Variants in GPHN observed in about 807,000 individuals in gnomAD.
The protein encoded by GPHN is gephyrin.
In GPHN, 17 loss-of-function variants were observed where a neutral mutation model predicts 95.5. The observed-to-expected ratio is 0.18, with a 90% CI of 0.12 to 0.27. The LOEUF is 0.27. Ranked by LOEUF, GPHN falls within the 10% of genes least tolerant of loss-of-function variation. GPHN has a pLI of 1.00. For synonymous variants in GPHN, 320 were observed against 322.5 expected (o/e 0.99, Z 0.08); for missense variants, 660 against 978.1 (o/e 0.67, Z 4.34).
the GPHN span, chr14:67,393,259 C>A: frequency 6.3e-7 from 1 of 1,583,672 alleles, no homozygotes; most frequent in Non-Finnish European, 8.7e-7. Flanking sequence ...GAAGGGAAGG[C>A]AAAGGAGAGG....
chr14:67,592,666 T>C, the GPHN span: 4 of 1,605,762 alleles, frequency 2.5e-6, no homozygotes, highest in Non-Finnish European at 3.4e-6. Flanking sequence ...GGATATCCCA[T>C]GTGGTTCCAC....
chr14:66,788,169 C>A (rs555518051), intron 3 of GPHN, among the ~76,000 whole-genome samples: 1 of 152,266 alleles, frequency 6.6e-6, no homozygotes, highest in South Asian at 2.1e-4. Flanking sequence ...ACTACCCAGA[C>A]ATGGTGGCGG....
chr14:66,716,455 T>C (rs902124510), intron 2 of GPHN, among the ~76,000 whole-genome samples: 1 of 75,978 alleles, frequency 1.3e-5, no homozygotes, highest in Non-Finnish European at 2.0e-5. Context: ...TCTGCAGTTC[T>C]TTCTGTCTTT....
the GPHN span, among the ~76,000 whole-genome samples, chr14:67,681,690 G>A: frequency 5.5e-4 from 84 of 152,320 alleles, no homozygotes; most frequent in Admixed American, 3.1e-3. Flanking sequence ...GCTGAGACAG[G>A]AGAATTGCTT....
chr14:66,982,020 A>G (rs767959557), intron 9 of GPHN, among the ~76,000 whole-genome samples: 11 of 152,222 alleles, frequency 7.2e-5, no homozygotes, highest in African/African-American at 2.4e-4. Flanking sequence ...ATATGAATGT[A>G]TATACCCAGT....
intron 4 of GPHN, among the ~76,000 whole-genome samples, chr14:66,868,321 A>G (rs1567039129): frequency 1.3e-5 from 2 of 152,334 alleles, no homozygotes; most frequent in Admixed American, 1.3e-4. Context: ...TGAAAGCACT[A>G]TACTAAGTGA....
the GPHN span, chr14:67,200,199 G>GC: frequency 1.8e-4 from 207 of 1,128,086 alleles, 2 homozygotes; most frequent in South Asian, 3.1e-3. Flanking sequence ...CTCCACTGAT[G>GC]CCCCCCATGG....
chr14:66,719,320 C>G (rs1292598898), intron 2 of GPHN, among the ~76,000 whole-genome samples: 2 of 152,152 alleles, frequency 1.3e-5, no homozygotes. Context: ...TCCTCTGATG[C>G]CTCTATCCGT....
At chr14:67,570,002 C>T in the GPHN span, 20 of 1,594,582 alleles carry the variant, frequency 1.3e-5, no homozygotes, top group Non-Finnish European at 1.7e-5. Flanking sequence ...GTCTACACAG[C>T]ACTGAAGGGG....
the GPHN span, chr14:67,593,643 T>C: frequency 1.5e-6 from 1 of 674,340 alleles, no homozygotes; most frequent in East Asian, 2.7e-5. Flanking sequence ...CTTTTAAATA[T>C]AAGTCTCACT....
chr14:67,415,014 C>A, the GPHN span, among the ~76,000 whole-genome samples: 10 of 152,340 alleles, frequency 6.6e-5, no homozygotes, highest in African/African-American at 2.2e-4. Context: ...CAGCGACCTG[C>A]ATCAGAGCAT....
the GPHN span, among the ~76,000 whole-genome samples, chr14:67,498,408 A>G: frequency 6.6e-6 from 1 of 152,116 alleles, no homozygotes; most frequent in African/African-American, 2.4e-5. Flanking sequence ...CAAAGGGGAG[A>G]CTTTGCTTTG....
At chr14:67,327,659 G>T in the GPHN span, among the ~76,000 whole-genome samples, 1 of 151,742 alleles carries the variant, frequency 6.6e-6, no homozygotes, top group African/African-American at 2.4e-5. Context: ...CCCACAACAG[G>T]CCCCAGTGTG....
intron 3 of GPHN, among the ~76,000 whole-genome samples, chr14:66,804,689 A>T (rs1179048087): frequency 6.6e-6 from 1 of 152,220 alleles, no homozygotes; most frequent in East Asian, 1.9e-4. Flanking sequence ...GCTGGACATT[A>T]TCCGTTTTAC....
At chr14:66,767,501 G>A (rs1016367372) in intron 2 of GPHN, among the ~76,000 whole-genome samples, 4 of 151,620 alleles carry the variant, frequency 2.6e-5, no homozygotes, top group South Asian at 4.2e-4. Context: ...AATAATTCTG[G>A]GATTGAGCCT....
At chr14:66,825,677 T>C (rs1005902195) in intron 4 of GPHN, among the ~76,000 whole-genome samples, 78 of 152,316 alleles carry the variant, frequency 5.1e-4, no homozygotes, top group African/African-American at 1.6e-3. Flanking sequence ...TTTTTTCTAT[T>C]CCTCTATATA....
intron 9 of GPHN, among the ~76,000 whole-genome samples, chr14:66,976,707 A>G (rs1470114969): frequency 6.6e-6 from 1 of 152,102 alleles, no homozygotes; most frequent in Non-Finnish European, 1.5e-5. Context: ...GCTATTGGGG[A>G]TACAGCAATG....
chr14:67,644,992 C>T, the GPHN span, among the ~76,000 whole-genome samples: 52 of 139,758 alleles, frequency 3.7e-4, no homozygotes, highest in Middle Eastern at 7.0e-3. Flanking sequence ...AGCGAGACTC[C>T]GTCTTAAAAA....
At chr14:67,704,700 C>G in the GPHN span, among the ~76,000 whole-genome samples, 1 of 152,150 alleles carries the variant, frequency 6.6e-6, no homozygotes, top group Non-Finnish European at 1.5e-5. Context: ...AAGGTCTCAC[C>G]CCAAATCACC....
Sources: allele counts gnomAD v4.1 joint callset (sites outside exome capture counted in the v4.1 genomes callset), GRCh38; gene constraint gnomAD v4.1.1; transcripts MANE v1.5; gene names NCBI Gene and HGNC (gene_info 2026-07-23, HGNC 2026-07-21).